The following COLEC12 variants were observed in gnomAD, a reference collection of about 807,000 sequenced individuals.
COLEC12 encodes collectin subfamily member 12.
In COLEC12, 33 loss-of-function variants were observed where a neutral mutation model predicts 71.1. The observed-to-expected ratio is 0.46, with a 90% CI of 0.35 to 0.62. COLEC12 has a LOEUF of 0.62. Ranked by LOEUF, COLEC12 falls within the 20% of genes least tolerant of loss-of-function variation. The pLI, the probability that COLEC12 is intolerant of heterozygous loss-of-function variation, is 0.00. For synonymous variants in COLEC12, 350 were observed against 353.0 expected, an observed-to-expected ratio of 0.99 and a Z score of 0.10; for missense variants, 765 against 916.1, an observed-to-expected ratio of 0.84 and a Z score of 2.13.
intron 1 of COLEC12, among the ~76,000 whole-genome samples, chr18:485,736 G>T (rs1413008952): frequency 6.6e-6 from 1 of 152,212 alleles, no homozygotes; most frequent in African/African-American, 2.4e-5. Flanking sequence ...TGTTGGCTTA[G>T]AGCTGAGAGT....
At chr18:458,693 G>C (rs757558390) in intron 2 of COLEC12, among the ~76,000 whole-genome samples, 3 of 152,182 alleles carry the variant, frequency 2.0e-5, no homozygotes, top group African/African-American at 7.2e-5. Context: ...CTAAACTGTC[G>C]TCTTCCAGAC....
intron 2 of COLEC12, among the ~76,000 whole-genome samples, chr18:445,344 A>G (rs996498380): frequency 6.6e-6 from 1 of 152,202 alleles, no homozygotes; most frequent in Non-Finnish European, 1.5e-5. Flanking sequence ...GATGTTGCCT[A>G]TATTTGCAAC....
intron 3 of COLEC12, among the ~76,000 whole-genome samples, chr18:350,950 ACT>A (rs1453408447): frequency 1.8e-4 from 25 of 141,890 alleles, no homozygotes; most frequent in African/African-American, 5.7e-4. Context: ...ACAGAGCGAG[ACT>A]CTGTCTCAAA....
intron 5 of COLEC12, among the ~76,000 whole-genome samples, chr18:340,257 C>A (rs683712): frequency 6.6e-6 from 1 of 151,744 alleles, no homozygotes; most frequent in East Asian, 1.9e-4. Flanking sequence ...AGGCCAAGTA[C>A]GGGTGGCTCA....
chr18:493,877 ATGT>A (rs1917663213), intron 1 of COLEC12, among the ~76,000 whole-genome samples: 1 of 152,216 alleles, frequency 6.6e-6, no homozygotes, highest in Non-Finnish European at 1.5e-5. Context: ...AACTTGTTTA[ATGT>A]TGTGATTCCT....
chr18:370,126 G>T (rs1320269178), intron 2 of COLEC12, among the ~76,000 whole-genome samples: 1 of 152,184 alleles, frequency 6.6e-6, no homozygotes. Flanking sequence ...GAAAAAATCA[G>T]ATTCTACCAG....
intron 2 of COLEC12, among the ~76,000 whole-genome samples, chr18:427,307 G>A (rs565305221): frequency 1.1e-3 from 174 of 152,222 alleles, no homozygotes; most frequent in Admixed American, 2.2e-3. Context: ...CAAAAGCATC[G>A]CCAAATTCAG....
chr18:441,140 G>C (rs1022621481), intron 2 of COLEC12, among the ~76,000 whole-genome samples: 111 of 145,022 alleles, frequency 7.7e-4, no homozygotes, highest in East Asian at 4.6e-3. Flanking sequence ...CCCAGCTGCT[G>C]GGGAGGCTGA....
intron 7 of COLEC12, 22 bp downstream of exon 7, chr18:332,985 A>C: frequency 6.5e-7 from 1 of 1,543,346 alleles, no homozygotes; most frequent in South Asian, 1.2e-5. Context: ...GTTTTCCCCA[A>C]CCAAGTATGT....
intron 2 of COLEC12, among the ~76,000 whole-genome samples, chr18:370,396 C>T (rs1013152315): frequency 6.6e-6 from 1 of 152,136 alleles, no homozygotes. Context: ...ACTGGTTAAA[C>T]GGGCTTAAAG....
In COLEC12 at chr18:480,285, T is replaced by A. The variant is rs558763445; in HGVS notation, c.58+422A>T. On this transcript the variant is annotated intron_variant, in intron 2 of 9. Transcript: ENST00000400256. The surrounding 1 kb of genome is among the most constrained non-coding windows in gnomAD (Gnocchi z 4.1). ...AGAGCCCCTGTGTCCAGGCAGATTCTTGGAAGAAGTCTCCCTCTCACTCAT... is the reference window on the plus strand; with the variant it reads ...AGAGCCCCTGTGTCCAGGCAGATTCATGGAAGAAGTCTCCCTCTCACTCAT... 1.8e-4 allele frequency among the ~76,000 whole-genome samples: 28 copies of A among 152,344 alleles called. No homozygotes were observed. Among genetic ancestry groups the A allele is most frequent in the Middle Eastern group, 3.4e-3 (1 of 294 alleles).
chr18:493,348 C>T (rs143060219), intron 1 of COLEC12, among the ~76,000 whole-genome samples: 167 of 152,294 alleles, frequency 1.1e-3, no homozygotes, highest in Middle Eastern at 3.4e-3. Context: ...ATTATAAGCA[C>T]GAGTCATCAG....
At chr18:403,622 T>C (rs75048533) in intron 2 of COLEC12, among the ~76,000 whole-genome samples, 4,125 of 152,356 alleles carry the variant, frequency 0.027, 80 homozygotes, top group Middle Eastern at 0.044. Flanking sequence ...TGAAGACACA[T>C]CCTTCTTATT....
At chr18:330,254 T>G (rs1487566667) in intron 8 of COLEC12, among the ~76,000 whole-genome samples, 1 of 152,208 alleles carries the variant, frequency 6.6e-6, no homozygotes, top group Non-Finnish European at 1.5e-5. Flanking sequence ...CCATCACCTC[T>G]GACCCTCCTC....
intron 2 of COLEC12, among the ~76,000 whole-genome samples, chr18:372,748 T>C (rs1915028558): frequency 1.3e-5 from 2 of 152,232 alleles, no homozygotes; most frequent in African/African-American, 2.4e-5. Flanking sequence ...CACAGGATAA[T>C]ATGATTCACA....
At chr18:356,374 A>C (rs666599) in intron 3 of COLEC12, among the ~76,000 whole-genome samples, 2 of 151,942 alleles carry the variant, frequency 1.3e-5, no homozygotes, top group Non-Finnish European at 2.9e-5. Context: ...GCACTTACTG[A>C]ACATTCACAA....
chr18:321,678 T>C lies in COLEC12; in HGVS notation c.2193A>G (p.Glu731=), dbSNP rs1483660096. 6.2e-7 allele frequency: 1 copy of C among 1,614,226 alleles called. No individual in the cohort carries two copies. Among genetic ancestry groups the C allele is most frequent in the Admixed American group, 1.7e-5 (1 of 60,028 alleles). ...ACTGCTCACCTGTCTCCCTGTCTTTTTCGCAAATGAAGTTATTGACGTCTT... is the reference window on the plus strand; with the variant it reads ...ACTGCTCACCTGTCTCCCTGTCTTTCTCGCAAATGAAGTTATTGACGTCTT... ...QCEDVNNFIC[E]KDRETVLSSA... Residue 731 remains glutamate, a synonymous_variant, in exon 9 of 10, where the codon GAA becomes GAG. Coordinates refer to ENST00000400256, the MANE Select transcript of COLEC12 (RefSeq NM_130386.3).
At chr18:324,408 A>T (rs1251861968) in intron 8 of COLEC12, among the ~76,000 whole-genome samples, 1 of 152,202 alleles carries the variant, frequency 6.6e-6, no homozygotes, top group Admixed American at 6.5e-5. Flanking sequence ...AGCAGCACAT[A>T]CATATACTTG....
intron 8 of COLEC12, among the ~76,000 whole-genome samples, chr18:322,825 G>A (rs952817207): frequency 2.0e-5 from 3 of 152,088 alleles, no homozygotes; most frequent in Admixed American, 6.6e-5. Flanking sequence ...AATAACACCC[G>A]CAAAACCAGA....
Sources: gnomAD v4.1 joint callset for allele counts (sites outside exome capture counted in the v4.1 genomes callset) on GRCh38, gnomAD v4.1.1 for gene constraint, Gnocchi (gnomAD v3.1) non-coding constraint, MANE v1.5 for transcripts, NCBI Gene and HGNC (gene_info 2026-07-23, HGNC 2026-07-21) for gene names.